The following PLPP4 variants were observed in gnomAD, a reference collection of about 807,000 sequenced individuals.
PLPP4 encodes phospholipid phosphatase 4, also known as diacylglycerol pyrophosphate like 2.
PLPP4 carries 20 observed loss-of-function variants against 32.2 expected under a neutral mutation model. The ratio of observed to expected loss-of-function variants is 0.62; its 90% CI spans 0.44 to 0.90. The LOEUF (loss-of-function observed/expected upper bound fraction) is 0.90, where lower values mean the gene tolerates loss of function less well. Ranked by LOEUF, PLPP4 falls within the 40% of genes least tolerant of loss-of-function variation. The pLI, the probability that PLPP4 is intolerant of heterozygous loss-of-function variation, is 0.00. For synonymous variants in PLPP4, 127 were observed against 133.0 expected (o/e 0.95, Z 0.31); for missense variants, 257 against 353.1 (o/e 0.73, Z 2.18).
intron 5 of PLPP4, among the ~76,000 whole-genome samples, chr10:120,528,773 CTTG>C (rs770884645): frequency 1.1e-3 from 173 of 152,266 alleles, no homozygotes; most frequent in Admixed American, 2.2e-3. Flanking sequence ...TGTTTCTCAA[CTTG>C]TTGTTTTTTT....
At chr10:120,457,678 G>A (rs1378031562) in intron 1 of PLPP4, among the ~76,000 whole-genome samples, 2 of 152,186 alleles carry the variant, frequency 1.3e-5, no homozygotes, top group Non-Finnish European at 2.9e-5. Flanking sequence ...AAACAGGGAC[G>A]CGCACCCTGG....
chr10:120,512,291 G>A (rs1845761394), intron 2 of PLPP4, among the ~76,000 whole-genome samples: 1 of 152,172 alleles, frequency 6.6e-6, no homozygotes, highest in South Asian at 2.1e-4. Context: ...CTCTGTAGCA[G>A]TTCTGAATCT....
chr10:120,523,128 T>G (rs1294528446), intron 5 of PLPP4, among the ~76,000 whole-genome samples: 1 of 152,090 alleles, frequency 6.6e-6, no homozygotes, highest in East Asian at 1.9e-4. Flanking sequence ...AAACCCCACC[T>G]CTACTAAAAA....
At chr10:120,535,355 A>G (rs1846967933) in intron 5 of PLPP4, among the ~76,000 whole-genome samples, 1 of 152,084 alleles carries the variant, frequency 6.6e-6, no homozygotes. Context: ...CTTGACATTT[A>G]TTGAGGTTTG....
intron 2 of PLPP4, among the ~76,000 whole-genome samples, chr10:120,511,985 T>C (rs2133886949): frequency 6.6e-6 from 1 of 152,004 alleles, no homozygotes; most frequent in Non-Finnish European, 1.5e-5. Flanking sequence ...TCCCAGCTAT[T>C]TGGGAGGCTG....
chr10:120,566,169 G>A (rs1010954981), intron 5 of PLPP4, among the ~76,000 whole-genome samples: 5 of 152,064 alleles, frequency 3.3e-5, no homozygotes, highest in African/African-American at 7.2e-5. Context: ...ATCTAAACTT[G>A]TTATTAGCCA....
intron 5 of PLPP4, among the ~76,000 whole-genome samples, chr10:120,527,507 C>G (rs1846457408): frequency 6.6e-6 from 1 of 152,152 alleles, no homozygotes; most frequent in Non-Finnish European, 1.5e-5. Flanking sequence ...CTAAAAATAC[C>G]TTTACGGTAA....
At chr10:120,515,978 T>C (rs1434093004) in intron 3 of PLPP4, among the ~76,000 whole-genome samples, 1 of 152,134 alleles carries the variant, frequency 6.6e-6, no homozygotes, top group Non-Finnish European at 1.5e-5. Flanking sequence ...CAGCTAAATC[T>C]CCCTTAGGGT....
chr10:120,498,654 C>CTTTTT (rs11287636), intron 1 of PLPP4, among the ~76,000 whole-genome samples: 13 of 143,412 alleles, frequency 9.1e-5, no homozygotes, highest in Non-Finnish European at 1.4e-4. Flanking sequence ...CTCTTCTATT[C>CTTTTT]TTTTTTTTTT....
intron 5 of PLPP4, among the ~76,000 whole-genome samples, chr10:120,562,693 T>A (rs1848492839): frequency 1.3e-5 from 2 of 152,326 alleles, no homozygotes; most frequent in African/African-American, 2.4e-5. Flanking sequence ...ATTTAAAAAA[T>A]TTTAAACCTG....
chr10:120,513,128 T>C (rs766763643), intron 2 of PLPP4, among the ~76,000 whole-genome samples: 19 of 152,204 alleles, frequency 1.2e-4, no homozygotes, highest in Non-Finnish European at 2.1e-4. Flanking sequence ...GAAGCTGGAA[T>C]AAAGACTCAA....
At chr10:120,526,398 T>C (rs552617532) in intron 5 of PLPP4, among the ~76,000 whole-genome samples, 45 of 152,150 alleles carry the variant, frequency 3.0e-4, no homozygotes, top group Non-Finnish European at 5.3e-4. Context: ...GGCTTGTTAA[T>C]TGGGCTTCAC....
At chr10:120,585,491 G>A (rs554334809) in intron 6 of PLPP4, among the ~76,000 whole-genome samples, 34 of 152,228 alleles carry the variant, frequency 2.2e-4, no homozygotes, top group Non-Finnish European at 4.0e-4. Context: ...GAAGTGGAAT[G>A]TGAGAGGAAT....
At chr10:120,550,678 T>C (rs1847854579) in intron 5 of PLPP4, among the ~76,000 whole-genome samples, 1 of 151,974 alleles carries the variant, frequency 6.6e-6, no homozygotes, top group Non-Finnish European at 1.5e-5. Context: ...AAATCAATGA[T>C]ATTAGAAATT....
chr10:120,490,059 T>G (rs993107495), intron 1 of PLPP4, among the ~76,000 whole-genome samples: 1 of 152,194 alleles, frequency 6.6e-6, no homozygotes, highest in African/African-American at 2.4e-5. Context: ...ACTGAATCTT[T>G]GCAGTAGTAA....
chr10:120,583,188 G>A (rs1849599664), intron 6 of PLPP4, among the ~76,000 whole-genome samples: 1 of 151,776 alleles, frequency 6.6e-6, no homozygotes, highest in African/African-American at 2.4e-5. Context: ...ATGATCTTCT[G>A]GAGGACCTGA....
intron 5 of PLPP4, among the ~76,000 whole-genome samples, chr10:120,573,344 A>G (rs1455524458): frequency 6.6e-6 from 1 of 152,162 alleles, no homozygotes; most frequent in African/African-American, 2.4e-5. Flanking sequence ...TGCTGAAAAA[A>G]GTTCTACTTT....
intron 5 of PLPP4, among the ~76,000 whole-genome samples, chr10:120,538,245 C>T (rs1025173163): frequency 6.6e-6 from 1 of 150,958 alleles, no homozygotes; most frequent in Non-Finnish European, 1.5e-5. Flanking sequence ...TGAGGCTGGG[C>T]TGCCTCTCTT....
intron 5 of PLPP4, among the ~76,000 whole-genome samples, chr10:120,539,148 C>T (rs1444906588): frequency 6.6e-6 from 1 of 152,192 alleles, no homozygotes; most frequent in African/African-American, 2.4e-5. Context: ...CTGAACCTTC[C>T]TCTCTGAGGG....
Sources: gnomAD v4.1 joint callset for allele counts (sites outside exome capture counted in the v4.1 genomes callset) on GRCh38, gnomAD v4.1.1 for gene constraint, MANE v1.5 for transcripts, NCBI Gene and HGNC (gene_info 2026-07-23, HGNC 2026-07-21) for gene names.